The following FAM163A variants were observed in gnomAD, a reference collection of about 807,000 sequenced individuals.
The protein encoded by FAM163A is family with sequence similarity 163 member A.
FAM163A carries 7 observed loss-of-function variants against 12.0 expected under a neutral mutation model. The observed-to-expected ratio is 0.58, with a 90% confidence interval of 0.33 to 1.10. FAM163A has a LOEUF of 1.10. FAM163A is among the 50% of genes least tolerant of loss of function. The pLI, the probability that FAM163A is intolerant of heterozygous loss-of-function variation, is 0.03. For synonymous variants in FAM163A, 101 were observed against 91.0 expected, an observed-to-expected ratio of 1.11 and a Z score of -0.62; for missense variants, 202 against 218.6, an observed-to-expected ratio of 0.92 and a Z score of 0.48.
At chr1:179,743,768 C>T (rs950271867) in intron 1 of FAM163A, among the ~76,000 whole-genome samples, 2 of 152,118 alleles carry the variant, frequency 1.3e-5, no homozygotes, top group Non-Finnish European at 2.9e-5. Flanking sequence ...CCGGACTTGC[C>T]GGGTCCCTGC....
chr1:179,751,601 AAGTC>A (rs1685281261), intron 1 of FAM163A, among the ~76,000 whole-genome samples: 1 of 152,192 alleles, frequency 6.6e-6, no homozygotes. Context: ...TTTGCTGTGA[AAGTC>A]AGGGAGAAAG....
chr1:179,803,430 AG>A (rs1196104395), intron 1 of FAM163A, among the ~76,000 whole-genome samples: 1 of 152,208 alleles, frequency 6.6e-6, no homozygotes, highest in Admixed American at 6.5e-5. Context: ...CACTGAGAAC[AG>A]GGAACCTTCA....
At chr1:179,786,631 CA>C (rs1410565170) in intron 1 of FAM163A, among the ~76,000 whole-genome samples, 4 of 152,218 alleles carry the variant, frequency 2.6e-5, no homozygotes, top group African/African-American at 9.7e-5. Context: ...ATCCTCAAGA[CA>C]ACCCAGTAAG....
At chr1:179,747,418 C>G (rs961788907) in intron 1 of FAM163A, among the ~76,000 whole-genome samples, 1 of 152,154 alleles carries the variant, frequency 6.6e-6, no homozygotes, top group African/African-American at 2.4e-5. Context: ...TACTGCCTTT[C>G]TTTTTGGGGT....
At chr1:179,770,373 T>C (rs1336557467) in intron 1 of FAM163A, among the ~76,000 whole-genome samples, 4 of 152,188 alleles carry the variant, frequency 2.6e-5, no homozygotes, top group Non-Finnish European at 5.9e-5. Flanking sequence ...GGCCTCCCAC[T>C]CAGCACTCTT....
intron 1 of FAM163A, among the ~76,000 whole-genome samples, chr1:179,800,595 G>C (rs1200268409): frequency 1.3e-5 from 2 of 152,228 alleles, no homozygotes; most frequent in African/African-American, 4.8e-5. Context: ...CCTGAAACCA[G>C]AGGACAGGCC....
intron 1 of FAM163A, among the ~76,000 whole-genome samples, chr1:179,758,027 A>T (rs1236292309): frequency 2.0e-5 from 3 of 152,244 alleles, no homozygotes; most frequent in Non-Finnish European, 4.4e-5. Context: ...GGAGCTGTTA[A>T]GTTCAGGCAG....
intron 1 of FAM163A, among the ~76,000 whole-genome samples, chr1:179,798,951 T>G (rs1240252656): frequency 2.6e-5 from 4 of 152,152 alleles, no homozygotes; most frequent in African/African-American, 7.2e-5. Flanking sequence ...GTGTGAGGAC[T>G]CTGGGCTCCA....
At chr1:179,789,763 A>C (rs1179074496) in intron 1 of FAM163A, among the ~76,000 whole-genome samples, 1 of 152,224 alleles carries the variant, frequency 6.6e-6, no homozygotes, top group African/African-American at 2.4e-5. Context: ...ACAGGCACTC[A>C]AAGGCAATTA....
At chr1:179,748,170 C>T (rs774950646) in intron 1 of FAM163A, among the ~76,000 whole-genome samples, 1 of 152,222 alleles carries the variant, frequency 6.6e-6, no homozygotes, top group East Asian at 1.9e-4. Flanking sequence ...GAGAGCCTCT[C>T]TCATTGCAAA....
At chr1:179,733,947 A>G in the FAM163A span, among the ~76,000 whole-genome samples, 1 of 152,184 alleles carries the variant, frequency 6.6e-6, no homozygotes, top group Non-Finnish European at 1.5e-5. Context: ...CCTCATGGAG[A>G]ACGATTTTTT....
At chr1:179,780,547 T>C (rs1394002885) in intron 1 of FAM163A, among the ~76,000 whole-genome samples, 1 of 152,230 alleles carries the variant, frequency 6.6e-6, no homozygotes, top group Non-Finnish European at 1.5e-5. Flanking sequence ...GGTCCCCAGA[T>C]GAGCAACATC....
intron 1 of FAM163A, among the ~76,000 whole-genome samples, chr1:179,801,791 C>T (rs757391081): frequency 2.0e-5 from 3 of 152,198 alleles, no homozygotes; most frequent in Non-Finnish European, 2.9e-5. Flanking sequence ...CCCCCTTAGA[C>T]CTGGTCATTC....
chr1:179,806,147 A>G (rs978586715), intron 1 of FAM163A, among the ~76,000 whole-genome samples: 13 of 152,234 alleles, frequency 8.5e-5, no homozygotes, highest in African/African-American at 3.1e-4. Flanking sequence ...GGGTGAAAGC[A>G]TCCACGGATC....
In FAM163A at chr1:179,814,230, C is replaced by T; in HGVS notation, c.*41C>T. 6.4e-7 allele frequency: 1 copy of T among 1,553,230 alleles called. No homozygotes were observed. Among genetic ancestry groups the T allele is most frequent in the Non-Finnish European group, 8.7e-7 (1 of 1,147,988 alleles). ...CCCGCACACACACCCACACTGCTGC[C>T]CTGGCGGGGGCCATGGGGGTGATGA... On this transcript the variant is annotated 3_prime_UTR_variant, in exon 5 of 5. Transcript: ENST00000341785.
rs148399613 is a variant in FAM163A, at chr1:179,814,018, C to A, written c.333C>A (p.Asp111Glu). ...YSSPFYIRTA[D>E]MVPNGGGGER... The stretch of plus-strand genomic sequence containing the variant: ...CCCCCTTTTACATACGGACGGCTGA[C>A]ATGGTGCCCAATGGGGGTGGAGGCG... Residue 111 changes from aspartate to glutamate, a missense_variant, in exon 5 of 5, where the codon GAC becomes GAA. Physicochemically the swap from Asp to Glu is conservative, Grantham distance 45. Coordinates refer to ENST00000341785, the MANE Select transcript of FAM163A (RefSeq NM_173509.3). The A allele has an allele frequency of 5.0e-6, 8 of 1,613,120 alleles. No individual in the cohort carries two copies. In the African/African-American group the frequency reaches 1.1e-4, roughly 22 times the overall value.
chr1:179,787,529 C>T (rs76812707), intron 1 of FAM163A, among the ~76,000 whole-genome samples: 2,974 of 152,272 alleles, frequency 0.02, 69 homozygotes, highest in African/African-American at 0.051. Context: ...AGAAGATCTA[C>T]AGCACCTGCT....
chr1:179,776,748 C>T (rs1420561910), intron 1 of FAM163A, among the ~76,000 whole-genome samples: 1 of 152,122 alleles, frequency 6.6e-6, no homozygotes, highest in East Asian at 1.9e-4. Flanking sequence ...TTTAATGTAT[C>T]GAAGTGAAAT....
At chr1:179,745,187 TG>T (rs1209611319) in intron 1 of FAM163A, among the ~76,000 whole-genome samples, 3 of 150,528 alleles carry the variant, frequency 2.0e-5, no homozygotes, top group African/African-American at 7.3e-5. Flanking sequence ...CGGAGGGTCC[TG>T]CTGGGGCATC....
Sources: allele counts gnomAD v4.1 joint callset (sites outside exome capture counted in the v4.1 genomes callset), GRCh38; gene constraint gnomAD v4.1.1; transcripts MANE v1.5; gene names NCBI Gene and HGNC (gene_info 2026-07-23, HGNC 2026-07-21).